The following PHLDB2 variants were observed in gnomAD, a reference collection of about 807,000 sequenced individuals.
PHLDB2 encodes the protein pleckstrin homology-like domain family B member 2.
In PHLDB2, 71 loss-of-function variants were observed where a neutral mutation model predicts 123.6. That is an observed-to-expected ratio of 0.57 (90% CI 0.47 to 0.70). The LOEUF is 0.70. PHLDB2 is among the 30% of genes least tolerant of loss of function. The probability of loss-of-function intolerance (pLI) is 0.00; values close to 1 mark genes in which losing one functional copy is unlikely to be tolerated. For synonymous variants in PHLDB2, 547 were observed against 541.6 expected, an observed-to-expected ratio of 1.01 and a Z score of -0.14; for missense variants, 1,446 against 1,519.5, an observed-to-expected ratio of 0.95 and a Z score of 0.80.
At chr3:111,843,830 T>C (rs1330677510) in intron 1 of PHLDB2, among the ~76,000 whole-genome samples, 3 of 152,268 alleles carry the variant, frequency 2.0e-5, no homozygotes, top group Non-Finnish European at 2.9e-5. Context: ...CACAAAAGTT[T>C]TTAAAGCTTC....
intron 1 of PHLDB2, among the ~76,000 whole-genome samples, chr3:111,750,073 T>C (rs1206412431): frequency 6.6e-6 from 1 of 152,226 alleles, no homozygotes; most frequent in Non-Finnish European, 1.5e-5. Flanking sequence ...ATTAAGTTTT[T>C]ACAAAGGATT....
At chr3:111,837,797 C>A (rs1405668453) in intron 1 of PHLDB2, among the ~76,000 whole-genome samples, 1 of 152,172 alleles carries the variant, frequency 6.6e-6, no homozygotes, top group African/African-American at 2.4e-5. Flanking sequence ...AATTTCAGGA[C>A]TGTGGAAGGC....
chr3:111,901,765 AT>A, intron 2 of PHLDB2, among the ~76,000 whole-genome samples: 1 of 152,290 alleles, frequency 6.6e-6, no homozygotes, highest in South Asian at 2.1e-4. Context: ...CAATAGCATA[AT>A]TTCTTTAACA....
At chr3:111,945,138 T>A (rs2070211712) in intron 8 of PHLDB2, 130 bp from the exon 9 acceptor site, 2 of 669,884 alleles carry the variant, frequency 3.0e-6, no homozygotes, top group Non-Finnish European at 5.2e-6. Context: ...TTTGACTGAG[T>A]ATGATGAGAG....
intron 1 of PHLDB2, among the ~76,000 whole-genome samples, chr3:111,751,801 C>A (rs12497012): frequency 0.5 from 75,510 of 151,654 alleles, 19,364 homozygotes; most frequent in African/African-American, 0.62. Context: ...AACAAACCTG[C>A]ACCTTGTGCA....
chr3:111,779,750 G>T (rs1020807882), intron 1 of PHLDB2: 7 of 562,740 alleles, frequency 1.2e-5, no homozygotes, highest in African/African-American at 1.2e-4. Flanking sequence ...ACATACAGGT[G>T]CATATGTTCT....
At chr3:111,916,133 T>A (rs575226931) in intron 3 of PHLDB2, 2 of 152,308 alleles carry the variant, frequency 1.3e-5, no homozygotes, top group South Asian at 4.1e-4. Flanking sequence ...CACGAGCAGA[T>A]CTTGGCAGAT....
chr3:111,964,629 A>G (rs1310770554), intron 13 of PHLDB2, among the ~76,000 whole-genome samples: 3 of 152,144 alleles, frequency 2.0e-5, no homozygotes, highest in African/African-American at 2.4e-5. Flanking sequence ...GGCGTGAGCC[A>G]CGTTAATTAG....
intron 1 of PHLDB2, among the ~76,000 whole-genome samples, chr3:111,782,399 T>A (rs1255216622): frequency 2.6e-5 from 4 of 152,094 alleles, no homozygotes; most frequent in Admixed American, 6.6e-5. Context: ...AAAGGAGAGA[T>A]GCTCTGGCCT....
chr3:111,793,745 A>AACTGGAT (rs1409935476), intron 1 of PHLDB2, among the ~76,000 whole-genome samples: 2 of 151,528 alleles, frequency 1.3e-5, no homozygotes. Context: ...ATCCTTCCGG[A>AACTGGAT]ACTGGATTCT....
rs1188127359 is a variant in PHLDB2, at chr3:111,859,463, G to T, written c.-128G>T. ...TCAAGAGTGCCGGACCCAGCCGCGC[G>T]GAGCCCACCATTGCGGCCCGAGGGG... On this transcript the variant is annotated 5_prime_UTR_variant, in exon 1 of 18. Coordinates refer to ENST00000431670, the MANE Select transcript of PHLDB2 (RefSeq NM_001134438.2). 7 of 985,398 alleles carry T rather than the reference G, an allele frequency of 7.1e-6. No homozygotes were observed. The African/African-American group carries it at 8.7e-5, about 12-fold the overall frequency. The allele number at this position is 985,398 out of a possible 1,614,324, so 61.0% of individuals were successfully genotyped here.
upstream of PHLDB2, chr3:111,859,115 T>C (rs1177812277): frequency 1.0e-6 from 1 of 959,180 alleles, no homozygotes; most frequent in African/African-American, 1.8e-5. Context: ...GCTGGTAAAC[T>C]TGCCCCGGGG....
At chr3:111,780,239 G>T (rs2108082945) in intron 1 of PHLDB2, among the ~76,000 whole-genome samples, 1 of 143,086 alleles carries the variant, frequency 7.0e-6, no homozygotes, top group Admixed American at 7.1e-5. Flanking sequence ...GCTAACGCAG[G>T]AGTGGGCTCC....
At chr3:111,834,211 A>AATAGAATTATATATATT (rs2063259397) in intron 1 of PHLDB2, among the ~76,000 whole-genome samples, 1 of 24,676 alleles carries the variant, frequency 4.1e-5, no homozygotes, top group Non-Finnish European at 1.1e-4. Flanking sequence ...TTATATATGT[A>AATAGAATTATATATATT]ATAGAATTAT....
At chr3:111,935,742 C>CTTGTT (rs2069451633) in intron 6 of PHLDB2, among the ~76,000 whole-genome samples, 2 of 152,218 alleles carry the variant, frequency 1.3e-5, no homozygotes, top group East Asian at 1.9e-4. Context: ...CACGTTGTTT[C>CTTGTT]TTGTTTTGTT....
chr3:111,787,211 C>T (rs950238384), intron 1 of PHLDB2, among the ~76,000 whole-genome samples: 1 of 152,066 alleles, frequency 6.6e-6, no homozygotes, highest in Non-Finnish European at 1.5e-5. Context: ...TCAAATATAC[C>T]CCAAGAGACT....
At chr3:111,898,226 C>T (rs556111774) in intron 2 of PHLDB2, among the ~76,000 whole-genome samples, 2 of 151,122 alleles carry the variant, frequency 1.3e-5, no homozygotes, top group South Asian at 4.2e-4. Flanking sequence ...GTCTCCCAGG[C>T]TGGAGTGCAG....
intron 1 of PHLDB2, among the ~76,000 whole-genome samples, chr3:111,757,124 G>A (rs1375321928): frequency 3.3e-5 from 5 of 152,128 alleles, no homozygotes; most frequent in Non-Finnish European, 5.9e-5. Context: ...ACAATTAAGT[G>A]TCTTGGAGTT....
chr3:111,943,098 T>A (rs1401016049), intron 8 of PHLDB2, among the ~76,000 whole-genome samples: 1 of 152,124 alleles, frequency 6.6e-6, no homozygotes, highest in African/African-American at 2.4e-5. Flanking sequence ...AAAACAACTT[T>A]GAACGAGAAC....
Sources: allele counts gnomAD v4.1 joint callset (sites outside exome capture counted in the v4.1 genomes callset), GRCh38; gene constraint gnomAD v4.1.1; transcripts MANE v1.5; gene names NCBI Gene and HGNC (gene_info 2026-07-23, HGNC 2026-07-21).